The following KRT73 variants were observed in gnomAD, a reference collection of about 807,000 sequenced individuals.
KRT73 encodes keratin, type II cytoskeletal 73.
Under a neutral mutation model 47.2 loss-of-function variants are expected in KRT73, and 44 were observed. That is an observed-to-expected ratio of 0.93 (90% confidence interval 0.73 to 1.20). The LOEUF (loss-of-function observed/expected upper bound fraction) is 1.20, where lower values mean the gene tolerates loss of function less well. Ranked by LOEUF, KRT73 falls within the 50% of genes most tolerant of loss-of-function variation. KRT73 has a pLI of 0.00. For missense variants in KRT73, 713 were observed against 704.5 expected (o/e 1.01, Z -0.14); for synonymous variants, 285 against 291.3 (o/e 0.98, Z 0.22).
At chr12:52,627,903 A>T in the KRT73 span, among the ~76,000 whole-genome samples, 3 of 150,894 alleles carry the variant, frequency 2.0e-5, no homozygotes, top group African/African-American at 7.3e-5. Flanking sequence ...CAGAATGAAC[A>T]TGTGTGTGTG....
chr12:52,622,157 C>G (rs925925928), upstream of KRT73, among the ~76,000 whole-genome samples: 1 of 151,946 alleles, frequency 6.6e-6, no homozygotes, highest in Admixed American at 6.5e-5. Context: ...TTGATAGATG[C>G]CAATACTTAG....
chr12:52,623,096 A>G (rs111616599), upstream of KRT73, among the ~76,000 whole-genome samples: 55 of 152,202 alleles, frequency 3.6e-4, no homozygotes, highest in African/African-American at 1.3e-3. Context: ...AAATTCCCCA[A>G]ATTTGGCAAA....
chr12:52,630,291 C>T, the KRT73 span, among the ~76,000 whole-genome samples: 1 of 152,220 alleles, frequency 6.6e-6, no homozygotes, highest in Non-Finnish European at 1.5e-5. Context: ...CAGTGAGGAC[C>T]CTTGCCTATC....
chr12:52,611,188 C>T lies in KRT73; in HGVS notation c.1110+16G>A. 6.2e-7 allele frequency: 1 copy of T among 1,613,990 alleles called. No homozygotes were observed. Among genetic ancestry groups the T allele is most frequent in the Non-Finnish European group, 8.5e-7 (1 of 1,179,930 alleles). The stretch of plus-strand genomic sequence containing the variant: ...CTCCCTTAGGAGTGAGTAAGGAAGG[C>T]TCCAGTCCCCTTCACCTGCTTCTTC... On this transcript the variant is annotated intron_variant, in intron 6 of 8. Transcript: ENST00000305748.
At chr12:52,609,365 C>T in intron 7 of KRT73, 84 bp from the exon 8 acceptor site, 1 of 1,137,064 alleles carries the variant, frequency 8.8e-7, no homozygotes, top group Non-Finnish European at 1.3e-6. Context: ...GCTGGGGATC[C>T]CCAGCCAGAC....
Position 52,608,204 on chromosome 12 carries a change from T to G in KRT73, c.1615A>C (p.Met539Leu). 6.2e-7 allele frequency: 1 copy of G among 1,611,466 alleles called. No homozygotes were observed. The highest frequency in any genetic ancestry group is 8.5e-7 in the Non-Finnish European group (1 of 1,178,648). The change falls in exon 9 of 9, where the codon ATG becomes CTG. Residue 539 changes from methionine to leucine, a missense_variant. Physicochemically the swap from Met to Leu is conservative, Grantham distance 15. Transcript: ENST00000305748. The stretch of plus-strand genomic sequence containing the variant: ...TGGGCTGTGTTGCACTTTTATCTCA[T>G]GGTTTTTTTGGTGGGTGAGCTTAGA... Reference protein sequence around the residue: ...LALSSPTKKTMR With the variant: ...LALSSPTKKTLR
chr12:52,617,602 G>A (rs1940838649), intron 1 of KRT73, among the ~76,000 whole-genome samples: 1 of 152,168 alleles, frequency 6.6e-6, no homozygotes, highest in Admixed American at 6.5e-5. Context: ...TGGCAGTCTA[G>A]ATGCCCCAGG....
At chr12:52,630,088 G>A in the KRT73 span, among the ~76,000 whole-genome samples, 1 of 152,204 alleles carries the variant, frequency 6.6e-6, no homozygotes, top group South Asian at 2.1e-4. Flanking sequence ...GTTCAAGTGA[G>A]GGAAAGTCTA....
At chr12:52,609,190 C>G in intron 8 of KRT73, 57 bp downstream of exon 8, 3 of 1,514,170 alleles carry the variant, frequency 2.0e-6, no homozygotes, top group Non-Finnish European at 2.8e-6. Context: ...GGACACCCAC[C>G]CACTTTGTGT....
the KRT73 span, among the ~76,000 whole-genome samples, chr12:52,623,941 A>C: frequency 6.6e-6 from 1 of 152,070 alleles, no homozygotes; most frequent in African/African-American, 2.4e-5. Context: ...TTAGAAAACA[A>C]AAATTTAAAT....
chr12:52,628,232 G>A, the KRT73 span, among the ~76,000 whole-genome samples: 1 of 152,054 alleles, frequency 6.6e-6, no homozygotes, highest in African/African-American at 2.4e-5. Flanking sequence ...TGATGGATTT[G>A]CTTCTGCTAT....
rs1436457695 is a variant in KRT73, at chr12:52,608,350, C to T, written c.1469G>A (p.Gly490Asp). ...ACAGCCCCCAGGCAGCATGCTGTAGCCCCCGCTGACAGAGCTGGGCCAGTA... is the reference window on the plus strand; with the variant it reads ...ACAGCCCCCAGGCAGCATGCTGTAGTCCCCGCTGACAGAGCTGGGCCAGTA... ...YGYWPSSVSGGYSMLPGGCVT... is the reference protein window; with the variant it reads ...YGYWPSSVSGDYSMLPGGCVT... The change falls in exon 9 of 9, where the codon GGC becomes GAC. Residue 490 changes from glycine to aspartate, a missense_variant. By Grantham distance (94) the Gly-to-Asp change is moderately conservative (BLOSUM62 -1). Coordinates refer to ENST00000305748, the MANE Select transcript of KRT73 (RefSeq NM_175068.3). The T allele has an allele frequency of 1.9e-6, 3 of 1,613,634 alleles. No homozygotes were observed. In the African/African-American group the frequency reaches 4.0e-5, roughly 22 times the overall value.
At position 52,609,231 on chromosome 12, in the gene KRT73, G is replaced by A; in HGVS notation, c.1366+16C>T. Reference sequence around the variant, plus strand: ...GATGGACTAAAAGTATTCCCTCAGAGTCATGAAATACTCACAAATGCTCAC... The same window carrying A: ...GATGGACTAAAAGTATTCCCTCAGAATCATGAAATACTCACAAATGCTCAC... On this transcript the variant is annotated intron_variant, in intron 8 of 8. Transcript: ENST00000305748. The A allele has an allele frequency of 6.2e-7, 1 of 1,610,268 alleles. No individual in the cohort carries two copies. Among genetic ancestry groups the A allele is most frequent in the Non-Finnish European group, 8.5e-7 (1 of 1,176,536 alleles).
intron 5 of KRT73, among the ~76,000 whole-genome samples, chr12:52,611,888 C>T (rs73320396): frequency 0.017 from 2,562 of 152,280 alleles, 80 homozygotes; most frequent in African/African-American, 0.059. Context: ...TGAGGCCTTC[C>T]GTGATGCCCT....
At chr12:52,612,390 A>T (rs2120865545) in intron 5 of KRT73, 1 of 152,380 alleles carries the variant, frequency 6.6e-6, no homozygotes, top group African/African-American at 2.4e-5. Flanking sequence ...AGGGGAAAAC[A>T]AAACAGGGAC....
chr12:52,613,640 G>A (rs1565629447), intron 5 of KRT73, 48 bp downstream of exon 5: 2 of 1,606,230 alleles, frequency 1.2e-6, no homozygotes, highest in Non-Finnish European at 1.7e-6. Flanking sequence ...ACAGAGTCTG[G>A]AGCAGAGGGC....
Position 52,613,813 on chromosome 12 carries a change from T to C in KRT73, c.859A>G (p.Ile287Val). The C allele has an allele frequency of 6.2e-7, 1 of 1,614,186 alleles. No individual in the cohort carries two copies. The highest frequency in any genetic ancestry group is 8.5e-7 in the Non-Finnish European group (1 of 1,180,024). ...QIQSHISDTSIILSMDNNRNL... is the reference protein window; with the variant it reads ...QIQSHISDTSVILSMDNNRNL... ...CGGTTGTTGTCCATGGACAGGATGA[T>C]GGACGTGTCGCTGATGTGGGACTGG... Residue 287 changes from isoleucine (I) to valine (V), a missense_variant, in exon 5 of 9, where the codon ATC becomes GTC. Transcript: ENST00000305748.
intron 5 of KRT73, 146 bp from the exon 6 acceptor site, chr12:52,611,475 T>G (rs1940702406): frequency 1.1e-6 from 1 of 873,462 alleles, no homozygotes; most frequent in Admixed American, 2.6e-5. Flanking sequence ...AGCCTCCCAT[T>G]AAAGCATTGG....
chr12:52,618,599 G>T, upstream of KRT73: 1 of 1,475,900 alleles, frequency 6.8e-7, no homozygotes, highest in Non-Finnish European at 9.1e-7. Flanking sequence ...GTGATCCTGG[G>T]CTCCCACTTT....
Sources: gnomAD v4.1 joint callset for allele counts (sites outside exome capture counted in the v4.1 genomes callset) on GRCh38, gnomAD v4.1.1 for gene constraint, MANE v1.5 for transcripts, NCBI Gene and HGNC (gene_info 2026-07-23, HGNC 2026-07-21) for gene names.